AASS: variants seen among roughly 807,000 people sequenced by gnomAD.
AASS encodes the protein aminoadipate-semialdehyde synthase, also known as alpha-aminoadipic semialdehyde synthase, mitochondrial.
In AASS, 86 loss-of-function variants were observed where a neutral mutation model predicts 105.4. The ratio of observed to expected loss-of-function variants is 0.82; its 90% CI spans 0.69 to 0.98. AASS has a LOEUF of 0.98. Among genes scored for constraint, AASS ranks in the 50% least tolerant of loss-of-function variants. The pLI, the probability that AASS is intolerant of heterozygous loss-of-function variation, is 0.00. For missense variants in AASS, 1,048 were observed against 1,143.2 expected, an observed-to-expected ratio of 0.92 and a Z score of 1.20; for synonymous variants, 381 against 394.8, an observed-to-expected ratio of 0.96 and a Z score of 0.41.
chr7:122,142,563 T>A (rs1296457206), intron 1 of AASS, among the ~76,000 whole-genome samples: 2 of 152,196 alleles, frequency 1.3e-5, no homozygotes, highest in Non-Finnish European at 2.9e-5. Context: ...ACAATTTTTT[T>A]ACACATTTTA....
chr7:122,122,047 T>C (rs1795463138), intron 4 of AASS, among the ~76,000 whole-genome samples: 1 of 152,224 alleles, frequency 6.6e-6, no homozygotes, highest in Non-Finnish European at 1.5e-5. Context: ...TTTATCGTAG[T>C]TATTCTATGT....
At position 122,092,902 on chromosome 7, in the gene AASS, C is replaced by G. The variant is rs1279105825; in HGVS notation, c.1816G>C (p.Gly606Arg). The change falls in exon 17 of 24, where the codon GGT (glycine) becomes CGT (arginine). Residue 606 changes from glycine to arginine, a missense_variant. Coordinates refer to ENST00000417368, the MANE Select transcript of AASS (RefSeq NM_005763.4). ...TCCATTGCTAACATGTGATCCAGAC[C>G]AGGGTCCAATCCCAATTCACCAATG... Reference protein sequence around the residue: ...TIIGELGLDPGLDHMLAMETI... With the variant: ...TIIGELGLDPRLDHMLAMETI... 1.2e-6 allele frequency: 2 copies of G among 1,613,760 alleles called. No homozygotes were observed. Among genetic ancestry groups the G allele is most frequent in the Non-Finnish European group, 1.7e-6 (2 of 1,179,908 alleles).
chr7:122,076,717 G>A lies in AASS; in HGVS notation c.2663-110C>T. The stretch of plus-strand genomic sequence containing the variant: ...AACTCAGAGTCAATGAATTCTTGGA[G>A]GCCTAGGCATTTTTTAAGTAGCTGC... On this transcript the variant is annotated intron_variant, in intron 23 of 23. Transcript: ENST00000417368. 3 of 825,214 alleles carry A rather than the reference G, an allele frequency of 3.6e-6. No individual in the cohort carries two copies. In the South Asian group the frequency reaches 4.1e-5, roughly 11 times the overall value. The allele number at this position is 825,214 out of a possible 1,614,324, so 51.1% of individuals were successfully genotyped here. A position where few individuals can be genotyped will look rare whatever the true frequency, so the allele number is the denominator to read the frequency against.
intron 1 of AASS, among the ~76,000 whole-genome samples, chr7:122,136,762 G>C (rs1796158412): frequency 1.3e-5 from 2 of 152,116 alleles, no homozygotes; most frequent in South Asian, 4.2e-4. Context: ...TGAAATTCTT[G>C]ACTCCATCAG....
rs769546097 is a variant in AASS at position 122,116,776 on chromosome 7, G to T, written c.767-16C>A. On this transcript the variant is annotated splice_polypyrimidine_tract_variant and intron_variant, in intron 7 of 23. Coordinates refer to ENST00000417368, the MANE Select transcript of AASS (RefSeq NM_005763.4). ...TTTCTGAGGTCTTGAAAAGGAGAAA[G>T]AAATTAGTAAAGTGGGTGACAAATA... 2.5e-6 allele frequency: 4 copies of T among 1,613,810 alleles called. No homozygotes were observed. Among genetic ancestry groups the T allele is most frequent in the East Asian group, 2.2e-5 (1 of 44,872 alleles).
Position 122,101,806 on chromosome 7 carries a change from ACCGAG to A in AASS, c.1279-131_1279-127del, listed in dbSNP as rs1381526439. 7.9e-4 allele frequency: 601 copies of A among 758,320 alleles called. 4 individuals carry two copies. The highest frequency in any genetic ancestry group is 4.0e-3 in the South Asian group (255 of 63,984). The allele number at this position is 758,320 out of a possible 1,614,324, so 47.0% of individuals were successfully genotyped here. On this transcript the variant is annotated intron_variant, in intron 11 of 23. Transcript: ENST00000417368. ...TTTAAGAAACAGTTTTCTGAGGATC[ACCGAG>A]TATAAGTGATTGCTAATAGAAGTCT... is the stretch of plus-strand genomic sequence containing the variant.
chr7:122,128,349 T>G (rs1309097357), intron 3 of AASS, among the ~76,000 whole-genome samples: 1 of 152,174 alleles, frequency 6.6e-6, no homozygotes, highest in Admixed American at 6.5e-5. Context: ...ACACTCAATC[T>G]CGAATCTGTC....
At chr7:122,095,646 G>T (rs1038012567) in intron 15 of AASS, among the ~76,000 whole-genome samples, 1 of 150,526 alleles carries the variant, frequency 6.6e-6, no homozygotes, top group Non-Finnish European at 1.5e-5. Flanking sequence ...ACAGAATAGA[G>T]TATTGCTATT....
chr7:122,130,416 A>G (rs279699), intron 2 of AASS, among the ~76,000 whole-genome samples: 96,085 of 151,786 alleles, frequency 0.63, 32,450 homozygotes, highest in African/African-American at 0.89. Flanking sequence ...TGGCTAATAC[A>G]AGACTTATTG....
intron 11 of AASS, among the ~76,000 whole-genome samples, chr7:122,108,879 T>C (rs1794796503): frequency 6.6e-6 from 1 of 152,068 alleles, no homozygotes; most frequent in African/African-American, 2.4e-5. Flanking sequence ...TGTCCTTGTT[T>C]GAAGATGACG....
intron 21 of AASS, 152 bp from the exon 22 acceptor site, chr7:122,079,102 A>T (rs186758179): frequency 6.5e-7 from 1 of 1,536,128 alleles, no homozygotes; most frequent in Non-Finnish European, 8.7e-7. Flanking sequence ...GTAAAATAAC[A>T]ATAACAATAG....
At chr7:122,081,689 T>A (rs1793333056) in intron 19 of AASS, 94 bp from the exon 20 acceptor site, 1 of 857,242 alleles carries the variant, frequency 1.2e-6, no homozygotes, top group Non-Finnish European at 1.9e-6. Flanking sequence ...TCTTTGTAAC[T>A]AATTTAGAAA....
At chr7:122,126,130 C>T (rs1347205867) in intron 4 of AASS, among the ~76,000 whole-genome samples, 1 of 152,162 alleles carries the variant, frequency 6.6e-6, no homozygotes, top group Non-Finnish European at 1.5e-5. Flanking sequence ...ACCTAAAAAT[C>T]AGAGCTTGTT....
In AASS at chr7:122,092,410, T is replaced by C. The variant is rs926188252; in HGVS notation, c.1875+433A>G. On this transcript the variant is annotated intron_variant, in intron 17 of 23. Transcript: ENST00000417368. ...AGCATCTGTTTCTCCAAAAATTGGT[T>C]GCTACCTAAGACTTGGACATTGTTT... Among the ~76,000 whole-genome samples the C allele has an allele frequency of 3.6e-4, 55 of 152,262 alleles. 1 individual carries two copies. The highest frequency in any genetic ancestry group is 3.8e-4 in the Non-Finnish European group (26 of 68,012).
chr7:122,133,566 C>T lies in AASS; in HGVS notation c.161G>A (p.Gly54Glu). Residue 54 changes from glycine (G) to glutamate (E), a missense_variant, in exon 2 of 24, where the codon GGA becomes GAA. Transcript: ENST00000417368. ...PKHIKGITNL[G>E]YKVLIQPSNR... ...CGAAGGCTGTATCAAGACCTTGTATCCCAGATTGGTGATGCCTTTGATGTG... is the reference window on the plus strand; with the variant it reads ...CGAAGGCTGTATCAAGACCTTGTATTCCAGATTGGTGATGCCTTTGATGTG... 1 of 1,614,150 alleles carries T rather than the reference C, an allele frequency of 6.2e-7. No homozygotes were observed. The highest frequency in any genetic ancestry group is 1.3e-5 in the African/African-American group (1 of 75,036).
chr7:122,142,469 C>G (rs1796448670), intron 1 of AASS, among the ~76,000 whole-genome samples: 1 of 152,068 alleles, frequency 6.6e-6, no homozygotes, highest in African/African-American at 2.4e-5. Context: ...GCCCAATAAG[C>G]CCTCTCTTCA....
intron 18 of AASS, among the ~76,000 whole-genome samples, chr7:122,090,233 T>C (rs1330436382): frequency 2.6e-5 from 4 of 152,162 alleles, no homozygotes. Context: ...CATTCCGGCA[T>C]CAAGCTAAAG....
At chr7:122,137,867 C>T (rs968008187) in intron 1 of AASS, among the ~76,000 whole-genome samples, 2 of 152,146 alleles carry the variant, frequency 1.3e-5, no homozygotes, top group African/African-American at 4.8e-5. Flanking sequence ...AGGGTTTACT[C>T]ACCACCAGCT....
intron 2 of AASS, among the ~76,000 whole-genome samples, chr7:122,131,837 A>G (rs1795931008): frequency 6.6e-6 from 1 of 152,144 alleles, no homozygotes; most frequent in African/African-American, 2.4e-5. Flanking sequence ...ACAATTTGTT[A>G]TCCTAAGAAA....
Sources: gnomAD v4.1 joint callset for allele counts (sites outside exome capture counted in the v4.1 genomes callset) on GRCh38, gnomAD v4.1.1 for gene constraint, MANE v1.5 for transcripts, NCBI Gene and HGNC (gene_info 2026-07-23, HGNC 2026-07-21) for gene names.